Variants in FAM135A observed in about 807,000 individuals in gnomAD.
FAM135A encodes the protein protein FAM135A.
FAM135A carries 79 observed loss-of-function variants against 146.8 expected under a neutral mutation model. That is an observed-to-expected ratio of 0.54 (90% CI 0.45 to 0.65). The LOEUF (loss-of-function observed/expected upper bound fraction) is 0.65, where lower values mean the gene tolerates loss of function less well. Among genes scored for constraint, FAM135A ranks in the 30% least tolerant of loss-of-function variants. FAM135A has a pLI of 0.00. For synonymous variants in FAM135A, 562 were observed against 603.6 expected (o/e 0.93, Z 1.01); for missense variants, 1,623 against 1,758.2 (o/e 0.92, Z 1.38).
intron 4 of FAM135A, among the ~76,000 whole-genome samples, chr6:70,437,446 G>A (rs1562416863): frequency 1.3e-5 from 2 of 152,062 alleles, no homozygotes; most frequent in African/African-American, 2.4e-5. Context: ...TTCTGTAAGT[G>A]TTCAGTTTTA....
intron 17 of FAM135A, 45 bp from the exon 18 acceptor site, chr6:70,533,712 A>G (rs563383708): frequency 4.7e-5 from 54 of 1,139,552 alleles, no homozygotes; most frequent in Middle Eastern, 3.9e-4. Context: ...TCATGTGATT[A>G]TACATATTCC....
intron 13 of FAM135A, 56 bp from the exon 14 acceptor site, chr6:70,523,911 G>T (rs1794151232): frequency 6.5e-7 from 1 of 1,548,934 alleles, no homozygotes; most frequent in Non-Finnish European, 8.8e-7. Context: ...ATTCTACAAA[G>T]GGGAGTTGGG....
intron 10 of FAM135A, among the ~76,000 whole-genome samples, chr6:70,483,408 A>G (rs1460365268): frequency 6.6e-6 from 1 of 152,186 alleles, no homozygotes; most frequent in African/African-American, 2.4e-5. Flanking sequence ...CAAAAATGGT[A>G]GTGTGGAAAA....
At chr6:70,446,312 C>T (rs115561008) in intron 4 of FAM135A, among the ~76,000 whole-genome samples, 3,135 of 152,238 alleles carry the variant, frequency 0.021, 109 homozygotes, top group African/African-American at 0.071. Flanking sequence ...ACTATACCAC[C>T]GTAATTCCAG....
At chr6:70,454,510 A>G (rs767581080) in intron 5 of FAM135A, among the ~76,000 whole-genome samples, 37 of 152,178 alleles carry the variant, frequency 2.4e-4, no homozygotes, top group Non-Finnish European at 5.0e-4. Context: ...GGTATTTCCT[A>G]GGTTTTCTTC....
chr6:70,560,247 G>A lies in FAM135A; in HGVS notation c.*326G>A. On this transcript the variant is annotated 3_prime_UTR_variant, in exon 22 of 22. Transcript: ENST00000418814. Reference sequence around the variant, plus strand: ...TTGGCTTTCCACAATTCTTACATCAGACTACATTATATTAGAGACCATTAT... The same window carrying A: ...TTGGCTTTCCACAATTCTTACATCAAACTACATTATATTAGAGACCATTAT... The A allele has an allele frequency of 4.7e-6, 1 of 214,116 alleles. No individual in the cohort carries two copies. The allele number at this position is 214,116 out of a possible 1,614,324, so 13.3% of individuals were successfully genotyped here.
chr6:70,479,329 A>G (rs1025374081), intron 8 of FAM135A, among the ~76,000 whole-genome samples: 10 of 152,196 alleles, frequency 6.6e-5, no homozygotes, highest in Non-Finnish European at 1.0e-4. Context: ...CTCATCTCCT[A>G]GAGACCATTT....
intron 16 of FAM135A, 30 bp from the exon 17 acceptor site, chr6:70,533,130 A>G (rs1278268493): frequency 2.6e-6 from 4 of 1,551,514 alleles, no homozygotes; most frequent in South Asian, 2.2e-5. Flanking sequence ...ACTTTATCTC[A>G]TCCTTTAAAC....
At chr6:70,543,615 G>A (rs6940416) in intron 20 of FAM135A, among the ~76,000 whole-genome samples, 51,681 of 152,074 alleles carry the variant, frequency 0.34, 13,482 homozygotes, top group African/African-American at 0.73. Context: ...CATGGCATAT[G>A]CTTCTTATGT....
intron 12 of FAM135A, among the ~76,000 whole-genome samples, chr6:70,520,667 A>G (rs959824767): frequency 1.3e-5 from 2 of 152,184 alleles, no homozygotes; most frequent in African/African-American, 4.8e-5. Flanking sequence ...ACATACATAT[A>G]CAAAGCAGTA....
intron 4 of FAM135A, among the ~76,000 whole-genome samples, chr6:70,435,290 A>C (rs1772800404): frequency 6.6e-6 from 1 of 151,438 alleles, no homozygotes; most frequent in African/African-American, 2.4e-5. Flanking sequence ...TTTTTAGTAG[A>C]GGTGGCGTTT....
intron 20 of FAM135A, among the ~76,000 whole-genome samples, chr6:70,555,436 A>T (rs949459278): frequency 6.6e-6 from 1 of 151,946 alleles, no homozygotes; most frequent in Non-Finnish European, 1.5e-5. Context: ...TAATTTTCGT[A>T]GAGACAGGAT....
chr6:70,526,999 A>T (rs1215848329), intron 15 of FAM135A, among the ~76,000 whole-genome samples: 1 of 152,052 alleles, frequency 6.6e-6, no homozygotes, highest in Non-Finnish European at 1.5e-5. Context: ...TTCCTGATAC[A>T]GATTTTCCAA....
At chr6:70,477,097 TTATAATA>T in intron 7 of FAM135A, 55 bp from the exon 8 acceptor site, 1 of 1,468,380 alleles carries the variant, frequency 6.8e-7, no homozygotes, top group Non-Finnish European at 9.1e-7. Flanking sequence ...TTCAACTACT[TTATAATA>T]TATTGGCGTT....
intron 11 of FAM135A, among the ~76,000 whole-genome samples, chr6:70,500,954 G>A (rs764626565): frequency 2.0e-5 from 3 of 152,196 alleles, no homozygotes; most frequent in Non-Finnish European, 4.4e-5. Flanking sequence ...CAGAAGGCAC[G>A]GGGGTCAGGG....
intron 16 of FAM135A, among the ~76,000 whole-genome samples, chr6:70,532,839 G>A (rs1473417297): frequency 6.6e-6 from 1 of 152,112 alleles, no homozygotes; most frequent in East Asian, 1.9e-4. Flanking sequence ...GCTTGAGGCA[G>A]GAGAATCGCT....
intron 5 of FAM135A, 125 bp downstream of exon 5, chr6:70,452,696 A>G: frequency 1.6e-6 from 1 of 614,562 alleles, no homozygotes; most frequent in Non-Finnish European, 2.6e-6. Context: ...AACCATTGTA[A>G]GAAATATATT....
At chr6:70,423,899 A>G (rs910994992) in intron 2 of FAM135A, among the ~76,000 whole-genome samples, 3 of 152,236 alleles carry the variant, frequency 2.0e-5, no homozygotes, top group Non-Finnish European at 2.9e-5. Context: ...CCAGTGACCT[A>G]TAAACAAATC....
At chr6:70,527,771 C>T (rs976434707) in intron 15 of FAM135A, among the ~76,000 whole-genome samples, 1 of 152,158 alleles carries the variant, frequency 6.6e-6, no homozygotes, top group Non-Finnish European at 1.5e-5. Context: ...TTCCCCTCTT[C>T]GTTCTGCTCC....
Sources: allele counts gnomAD v4.1 joint callset (sites outside exome capture counted in the v4.1 genomes callset), GRCh38; gene constraint gnomAD v4.1.1; transcripts MANE v1.5; gene names NCBI Gene and HGNC (gene_info 2026-07-23, HGNC 2026-07-21).